Variants in LRMDA observed in about 807,000 individuals in gnomAD.
The protein encoded by LRMDA is leucine rich melanocyte differentiation associated.
In LRMDA, 18 loss-of-function variants were observed where a neutral mutation model predicts 29.8. That is an observed-to-expected ratio of 0.60 (90% CI 0.42 to 0.90). LRMDA has a LOEUF of 0.90. Among genes scored for constraint, LRMDA ranks in the 40% least tolerant of loss-of-function variants. The pLI, the probability that LRMDA is intolerant of heterozygous loss-of-function variation, is 0.00. For missense variants in LRMDA, 273 were observed against 273.9 expected (o/e 1.00, Z 0.02); for synonymous variants, 125 against 109.4 (o/e 1.14, Z -0.89).
intron 2 of LRMDA, among the ~76,000 whole-genome samples, chr10:75,766,894 T>C (rs1843176413): frequency 6.6e-6 from 1 of 152,168 alleles, no homozygotes; most frequent in Non-Finnish European, 1.5e-5. Flanking sequence ...ACATGCAGTG[T>C]TTGGTTTTCT....
intron 5 of LRMDA, among the ~76,000 whole-genome samples, chr10:76,305,768 C>T (rs1166206067): frequency 6.6e-6 from 1 of 152,064 alleles, no homozygotes; most frequent in Non-Finnish European, 1.5e-5. Context: ...TAGCTTCACA[C>T]ATATGTATAC....
intron 5 of LRMDA, among the ~76,000 whole-genome samples, chr10:76,086,155 C>T (rs879835822): frequency 9.2e-5 from 14 of 152,244 alleles, no homozygotes; most frequent in Non-Finnish European, 1.8e-4. Context: ...AGCCCAGTTA[C>T]TTCGTGAGTT....
chr10:75,740,465 A>G (rs11001488), intron 2 of LRMDA, among the ~76,000 whole-genome samples: 7,934 of 152,090 alleles, frequency 0.052, 557 homozygotes, highest in East Asian at 0.35. Context: ...ATTTAGGGAG[A>G]CGCCAGGAAA....
chr10:76,144,321 T>C (rs1453339869), intron 5 of LRMDA, among the ~76,000 whole-genome samples: 1 of 152,234 alleles, frequency 6.6e-6, no homozygotes, highest in Admixed American at 6.5e-5. Flanking sequence ...TTCCTATCCA[T>C]GAGCTTGGAA....
At chr10:75,885,966 T>C (rs1212748744) in intron 2 of LRMDA, among the ~76,000 whole-genome samples, 2 of 152,224 alleles carry the variant, frequency 1.3e-5, no homozygotes, top group African/African-American at 2.4e-5. Flanking sequence ...AGATATGACA[T>C]GAAAGAAGCG....
intron 2 of LRMDA, among the ~76,000 whole-genome samples, chr10:75,948,780 A>G (rs776815678): frequency 6.6e-6 from 1 of 152,058 alleles, no homozygotes. Context: ...GTCAGGACCC[A>G]TGGCTGCTGT....
At chr10:76,269,869 G>T (rs922153323) in intron 5 of LRMDA, among the ~76,000 whole-genome samples, 2 of 152,176 alleles carry the variant, frequency 1.3e-5, no homozygotes, top group East Asian at 1.9e-4. Context: ...AAGCAACAGG[G>T]CTAGGACTAG....
intron 2 of LRMDA, among the ~76,000 whole-genome samples, chr10:75,553,668 A>T (rs1343903928): frequency 6.6e-6 from 1 of 152,170 alleles, no homozygotes; most frequent in African/African-American, 2.4e-5. Context: ...CCCTTCACCC[A>T]GAGGCAGACA....
rs1198992038 is a variant in LRMDA at position 76,321,527 on chromosome 10, A to T, written c.517-2874A>T. ...TGTCTATTTTTCTATTGATTTAAAG[A>T]CATTCTTTTTTTTTTTTTAAATTTG... On this transcript the variant is annotated intron_variant, in intron 5 of 6. Coordinates refer to ENST00000611255, the MANE Select transcript of LRMDA (RefSeq NM_001305581.2). Among the ~76,000 whole-genome samples, 540 of 135,636 alleles carry T rather than the reference A, an allele frequency of 4.0e-3. 3 individuals are homozygous for T. Among genetic ancestry groups the T allele is most frequent in the Non-Finnish European group, 2.5e-3 (165 of 66,508 alleles). 89.0% of individuals were successfully genotyped at this position (135,636 alleles called of 152,430 possible). A position where few individuals can be genotyped will look rare whatever the true frequency, so the allele number is the denominator to read the frequency against.
intron 2 of LRMDA, among the ~76,000 whole-genome samples, chr10:75,618,159 C>T (rs147206028): frequency 2.2e-4 from 33 of 152,182 alleles, no homozygotes; most frequent in Middle Eastern, 3.4e-3. Context: ...CATTTTTCTG[C>T]ATCTGTCCTG....
chr10:76,255,210 T>C (rs979569249), intron 5 of LRMDA, among the ~76,000 whole-genome samples: 8 of 152,322 alleles, frequency 5.3e-5, no homozygotes, highest in Admixed American at 4.6e-4. Flanking sequence ...ATAAAATAAT[T>C]TTATGGTGCA....
chr10:76,261,049 C>A (rs1003264643), intron 5 of LRMDA: 1 of 136,300 alleles, frequency 7.3e-6, no homozygotes, highest in Non-Finnish European at 1.6e-5. Flanking sequence ...GATTGACTTG[C>A]GTTTCTTTTC....
intron 2 of LRMDA, among the ~76,000 whole-genome samples, chr10:75,830,607 A>G (rs899594857): frequency 9.9e-5 from 15 of 152,194 alleles, no homozygotes; most frequent in Non-Finnish European, 1.9e-4. Flanking sequence ...AGGCCCATTC[A>G]CTATCATGAG....
intron 5 of LRMDA, among the ~76,000 whole-genome samples, chr10:76,171,036 G>A (rs771885135): frequency 2.6e-5 from 4 of 152,198 alleles, no homozygotes; most frequent in Non-Finnish European, 5.9e-5. Context: ...TTGTCTCATA[G>A]ATGGATGTGC....
At chr10:76,013,521 G>A (rs970107428) in intron 2 of LRMDA, among the ~76,000 whole-genome samples, 1 of 152,094 alleles carries the variant, frequency 6.6e-6, no homozygotes, top group African/African-American at 2.4e-5. Flanking sequence ...AAGGGTCTGT[G>A]GGTATACAAA....
chr10:75,718,266 G>T (rs1016658412), intron 2 of LRMDA, among the ~76,000 whole-genome samples: 1 of 152,224 alleles, frequency 6.6e-6, no homozygotes. Flanking sequence ...AGGTCTGTGG[G>T]TTGGTTGAGC....
chr10:75,792,997 T>C (rs763858134), intron 2 of LRMDA, among the ~76,000 whole-genome samples: 6 of 152,170 alleles, frequency 3.9e-5, no homozygotes, highest in Non-Finnish European at 7.4e-5. Context: ...AAGCTCGTGG[T>C]CACGGAAGGC....
intron 2 of LRMDA, among the ~76,000 whole-genome samples, chr10:75,971,656 C>G (rs147484560): frequency 2.0e-5 from 3 of 152,200 alleles, no homozygotes; most frequent in Non-Finnish European, 2.9e-5. Flanking sequence ...GAAAAACACT[C>G]CAACTGCAAT....
chr10:75,672,873 T>C (rs1589153363), intron 2 of LRMDA, among the ~76,000 whole-genome samples: 1 of 151,496 alleles, frequency 6.6e-6, no homozygotes, highest in East Asian at 2.0e-4. Context: ...CGCCCAACCC[T>C]TTGTATTGTT....
Sources: allele counts gnomAD v4.1 joint callset (sites outside exome capture counted in the v4.1 genomes callset), GRCh38; gene constraint gnomAD v4.1.1; transcripts MANE v1.5; gene names NCBI Gene and HGNC (gene_info 2026-07-23, HGNC 2026-07-21).